HS3ST4: variants seen among roughly 807,000 people sequenced by gnomAD.
The protein encoded by HS3ST4 is heparan sulfate glucosamine 3-O-sulfotransferase 4.
HS3ST4 carries 17 observed loss-of-function variants against 29.2 expected under a neutral mutation model. The observed-to-expected ratio is 0.58, with a 90% CI of 0.40 to 0.87. The LOEUF is 0.87. HS3ST4 is among the 40% of genes least tolerant of loss of function. The probability of loss-of-function intolerance (pLI) is 0.00; values close to 1 mark genes in which losing one functional copy is unlikely to be tolerated. For missense variants in HS3ST4, 627 were observed against 634.5 expected (o/e 0.99, Z 0.13); for synonymous variants, 314 against 285.7 (o/e 1.10, Z -1.00).
At chr16:26,112,380 TC>T (rs1184465121) in intron 1 of HS3ST4, among the ~76,000 whole-genome samples, 7 of 100,034 alleles carry the variant, frequency 7.0e-5, no homozygotes, top group African/African-American at 2.6e-4. Context: ...AGCCTCTACA[TC>T]TTTTTTTTTT....
intron 1 of HS3ST4, among the ~76,000 whole-genome samples, chr16:25,948,454 C>T (rs534354084): frequency 8.5e-5 from 13 of 152,142 alleles, no homozygotes; most frequent in African/African-American, 1.9e-4. Context: ...GTGTTCTCCT[C>T]TTGAAATGCA....
At chr16:25,808,725 C>A (rs1967013782) in intron 1 of HS3ST4, among the ~76,000 whole-genome samples, 1 of 152,144 alleles carries the variant, frequency 6.6e-6, no homozygotes. Context: ...TACTGTGCTG[C>A]TGAGTCTTCC....
chr16:26,064,575 G>T (rs1483999720), intron 1 of HS3ST4, among the ~76,000 whole-genome samples: 1 of 151,280 alleles, frequency 6.6e-6, no homozygotes, highest in East Asian at 2.0e-4. Flanking sequence ...GGACTGGGAA[G>T]GCCTAGGAGC....
chr16:25,777,882 A>G (rs1966849090), intron 1 of HS3ST4, among the ~76,000 whole-genome samples: 1 of 152,182 alleles, frequency 6.6e-6, no homozygotes, highest in Non-Finnish European at 1.5e-5. Context: ...ACATTTTAAG[A>G]GAAAATAAGT....
At chr16:25,875,883 A>G (rs1190731643) in intron 1 of HS3ST4, among the ~76,000 whole-genome samples, 1 of 152,140 alleles carries the variant, frequency 6.6e-6, no homozygotes, top group African/African-American at 2.4e-5. Context: ...GCTTCCCACC[A>G]GATTGATGGA....
chr16:26,127,680 CACTTA>C (rs1202404482), intron 1 of HS3ST4, among the ~76,000 whole-genome samples: 2 of 152,178 alleles, frequency 1.3e-5, no homozygotes, highest in African/African-American at 2.4e-5. Context: ...TTAGGCAAGA[CACTTA>C]ACTTCTCTGA....
At chr16:26,013,118 C>A (rs568792827) in intron 1 of HS3ST4, among the ~76,000 whole-genome samples, 49 of 152,154 alleles carry the variant, frequency 3.2e-4, no homozygotes, top group African/African-American at 1.1e-3. Context: ...GAGCTGAGAT[C>A]GTGCCACTGT....
intron 1 of HS3ST4, among the ~76,000 whole-genome samples, chr16:25,886,111 C>T (rs1967948847): frequency 7.0e-6 from 1 of 143,548 alleles, no homozygotes; most frequent in Non-Finnish European, 1.5e-5. Context: ...CGGCACACTG[C>T]AGTGTCTGCC....
chr16:26,085,205 C>T (rs1898771735), intron 1 of HS3ST4, among the ~76,000 whole-genome samples: 1 of 152,188 alleles, frequency 6.6e-6, no homozygotes, highest in African/African-American at 2.4e-5. Context: ...TGCTTCCTAG[C>T]AACTCTGTAA....
intron 1 of HS3ST4, among the ~76,000 whole-genome samples, chr16:25,902,557 G>A (rs976641505): frequency 6.6e-6 from 1 of 152,068 alleles, no homozygotes; most frequent in African/African-American, 2.4e-5. Context: ...AGCATCATGG[G>A]AGGAGTGTGG....
chr16:25,907,527 A>C (rs546331396), intron 1 of HS3ST4, among the ~76,000 whole-genome samples: 1 of 152,326 alleles, frequency 6.6e-6, no homozygotes, highest in East Asian at 1.9e-4. Flanking sequence ...AAGAAAGCTG[A>C]AGCTTCATCG....
chr16:26,044,325 C>T (rs373903854), intron 1 of HS3ST4, among the ~76,000 whole-genome samples: 1 of 152,158 alleles, frequency 6.6e-6, no homozygotes, highest in African/African-American at 2.4e-5. Flanking sequence ...AGACGGAAGC[C>T]GTGGAGTTTT....
At chr16:26,080,096 A>G (rs1356429460) in intron 1 of HS3ST4, among the ~76,000 whole-genome samples, 1 of 152,104 alleles carries the variant, frequency 6.6e-6, no homozygotes, top group East Asian at 1.9e-4. Flanking sequence ...CTCAAATACT[A>G]TTACTCTTCA....
chr16:25,839,486 C>T (rs1967392146), intron 1 of HS3ST4, among the ~76,000 whole-genome samples: 2 of 152,166 alleles, frequency 1.3e-5, no homozygotes, highest in Admixed American at 6.5e-5. Context: ...AGCCATTATG[C>T]ATGTTTATCA....
intron 1 of HS3ST4, among the ~76,000 whole-genome samples, chr16:26,077,213 A>T (rs192077684): frequency 6.6e-6 from 1 of 152,208 alleles, no homozygotes. Flanking sequence ...AAAAGCAGGA[A>T]CTGCAAGGCC....
In HS3ST4 at chr16:25,692,845, C is replaced by T. The variant is rs1170468033; in HGVS notation, c.428C>T (p.Pro143Leu). ...GGAQDAWLRT[P>L]LAPSEMITAQ... The stretch of plus-strand genomic sequence containing the variant: ...GCCCAGGACGCCTGGCTCCGGACCC[C>T]GCTGGCCCCCAGCGAGATGATCACG... Residue 143 changes from proline to leucine, a missense_variant, in exon 1 of 2, where the codon CCG (proline) becomes CTG (leucine). Pro to Leu is a moderately conservative substitution (Grantham distance 98). Coordinates refer to ENST00000331351, the MANE Select transcript of HS3ST4 (RefSeq NM_006040.3). 8.3e-6 allele frequency: 12 copies of T among 1,449,600 alleles called. No homozygotes were observed. Among genetic ancestry groups the T allele is most frequent in the Non-Finnish European group, 9.1e-6 (10 of 1,103,080 alleles). The allele number at this position is 1,449,600 out of a possible 1,614,324, so 89.8% of individuals were successfully genotyped here.
intron 1 of HS3ST4, among the ~76,000 whole-genome samples, chr16:25,800,510 G>A (rs2141623839): frequency 6.6e-6 from 1 of 151,478 alleles, no homozygotes; most frequent in Admixed American, 6.6e-5. Context: ...ACAATACATG[G>A]CAGTTGGAAT....
chr16:25,822,136 G>C (rs968165455), intron 1 of HS3ST4, among the ~76,000 whole-genome samples: 8 of 152,166 alleles, frequency 5.3e-5, no homozygotes, highest in African/African-American at 1.9e-4. Flanking sequence ...TAGTTCATTG[G>C]GGGCTCTTAT....
At chr16:25,863,139 C>A (rs1407662025) in intron 1 of HS3ST4, among the ~76,000 whole-genome samples, 1 of 152,000 alleles carries the variant, frequency 6.6e-6, no homozygotes, top group Admixed American at 6.6e-5. Flanking sequence ...TCTTGGAATC[C>A]TTTGTTAGTT....
Sources: allele counts gnomAD v4.1 joint callset (sites outside exome capture counted in the v4.1 genomes callset), GRCh38; gene constraint gnomAD v4.1.1; transcripts MANE v1.5; gene names NCBI Gene and HGNC (gene_info 2026-07-23, HGNC 2026-07-21).